Variants in CLIC5 observed in about 807,000 individuals in gnomAD.
CLIC5 encodes CLIC family member 5, also known as chloride intracellular channel protein 5.
Under a neutral mutation model 24.7 loss-of-function variants are expected in CLIC5, and 20 were observed. The ratio of observed to expected loss-of-function variants is 0.81; its 90% CI spans 0.57 to 1.18. CLIC5 has a LOEUF of 1.18. Ranked by LOEUF, CLIC5 falls within the 50% of genes most tolerant of loss-of-function variation. The pLI, the probability that CLIC5 is intolerant of heterozygous loss-of-function variation, is 0.00. For synonymous variants in CLIC5, 159 were observed against 135.6 expected (o/e 1.17, Z -1.20); for missense variants, 341 against 326.1 (o/e 1.05, Z -0.35).
At chr6:46,072,646 A>G (rs1181376312) in intron 1 of CLIC5, among the ~76,000 whole-genome samples, 2 of 152,304 alleles carry the variant, frequency 1.3e-5, no homozygotes, top group East Asian at 3.9e-4. Context: ...CAGAGTTAAC[A>G]TAACTCTCAC....
Position 46,013,275 on chromosome 6 carries a change from T to C in CLIC5, c.63+2205A>G, listed in dbSNP as rs139025431. Among the ~76,000 whole-genome samples, 921 of 152,350 alleles carry C rather than the reference T, an allele frequency of 6.0e-3. 9 individuals carry two copies. Among genetic ancestry groups the C allele is most frequent in the African/African-American group, 0.021 (873 of 41,576 alleles). On this transcript the variant is annotated intron_variant, in intron 1 of 5. Coordinates refer to ENST00000339561, the MANE Select transcript of CLIC5 (RefSeq NM_016929.5). ...ATCAACAAGAAGGCCTTTCTTTTTA[T>C]GGGGAATCATGTACCTCAGAGAAAC...
intron 4 of CLIC5, among the ~76,000 whole-genome samples, chr6:45,915,970 T>C (rs1763016093): frequency 6.6e-6 from 1 of 152,136 alleles, no homozygotes; most frequent in Non-Finnish European, 1.5e-5. Flanking sequence ...TGCTGTTCAT[T>C]CCAGTAGATA....
At chr6:46,024,266 C>T (rs1247095315) in intron 1 of CLIC5, among the ~76,000 whole-genome samples, 1 of 152,118 alleles carries the variant, frequency 6.6e-6, no homozygotes, top group Non-Finnish European at 1.5e-5. Context: ...ATTCACAGTA[C>T]CTTAGGTTGA....
chr6:46,032,726 G>A (rs1230455599), intron 1 of CLIC5, among the ~76,000 whole-genome samples: 1 of 152,038 alleles, frequency 6.6e-6, no homozygotes, highest in Non-Finnish European at 1.5e-5. Context: ...AATCCTCTTC[G>A]TGCCCTTATT....
At chr6:45,978,337 T>C (rs1408984043) in intron 1 of CLIC5, among the ~76,000 whole-genome samples, 3 of 152,206 alleles carry the variant, frequency 2.0e-5, no homozygotes, top group African/African-American at 7.2e-5. Context: ...TCTCTTTGAC[T>C]GGGGATGGCT....
At chr6:45,931,254 T>C (rs756729645) in intron 4 of CLIC5, among the ~76,000 whole-genome samples, 17 of 152,130 alleles carry the variant, frequency 1.1e-4, no homozygotes, top group Admixed American at 2.0e-4. Flanking sequence ...TGACCCTATA[T>C]AGAGAAAGTT....
At chr6:45,889,987 GA>G (rs927576372) in intron 6 of CLIC5, among the ~76,000 whole-genome samples, 1 of 152,144 alleles carries the variant, frequency 6.6e-6, no homozygotes, top group African/African-American at 2.4e-5. Flanking sequence ...TATTAATATG[GA>G]AAGCTCTCCA....
chr6:45,943,672 A>G (rs1764204159), intron 3 of CLIC5, among the ~76,000 whole-genome samples: 1 of 152,234 alleles, frequency 6.6e-6, no homozygotes, highest in African/African-American at 2.4e-5. Context: ...GTTTTGCTGT[A>G]TCTCATCAAT....
intron 1 of CLIC5, among the ~76,000 whole-genome samples, chr6:45,986,342 G>A (rs895434774): frequency 1.3e-5 from 2 of 152,176 alleles, no homozygotes; most frequent in East Asian, 3.9e-4. Context: ...ATGGTGAGGA[G>A]CACTAGGTTA....
downstream of CLIC5, among the ~76,000 whole-genome samples, chr6:45,895,347 C>T (rs774424135): frequency 7.2e-5 from 11 of 152,266 alleles, no homozygotes; most frequent in Admixed American, 2.0e-4. Context: ...ATTATTAACT[C>T]ATCAAAACCA....
At chr6:46,116,325 A>C in the CLIC5 span, among the ~76,000 whole-genome samples, 1 of 152,118 alleles carries the variant, frequency 6.6e-6, no homozygotes, top group Admixed American at 6.5e-5. Context: ...TGCATTGGTG[A>C]ATATGGGCTG....
At chr6:45,945,104 A>G (rs1320548770) in intron 3 of CLIC5, among the ~76,000 whole-genome samples, 1 of 152,134 alleles carries the variant, frequency 6.6e-6, no homozygotes, top group African/African-American at 2.4e-5. Flanking sequence ...AAGGTCACCA[A>G]TTGTCTGTAC....
chr6:46,060,405 A>G (rs1298603846), intron 1 of CLIC5, among the ~76,000 whole-genome samples: 2 of 152,196 alleles, frequency 1.3e-5, no homozygotes, highest in Non-Finnish European at 2.9e-5. Context: ...AAGTAAAAAC[A>G]ATCTCTGTGA....
chr6:46,102,418 G>C, the CLIC5 span: 1 of 152,168 alleles, frequency 6.6e-6, no homozygotes, highest in East Asian at 1.9e-4. Context: ...GCCAAATAAG[G>C]GAGGTCAGAA....
chr6:45,985,482 G>A (rs1243305913), intron 1 of CLIC5, among the ~76,000 whole-genome samples: 2 of 152,088 alleles, frequency 1.3e-5, no homozygotes, highest in African/African-American at 2.4e-5. Flanking sequence ...CAATAAGCTC[G>A]ATGCAGTGCA....
chr6:46,006,132 A>T (rs1217162358), intron 1 of CLIC5, among the ~76,000 whole-genome samples: 1 of 36,894 alleles, frequency 2.7e-5, no homozygotes, highest in Admixed American at 2.9e-4. Flanking sequence ...AAATACATAT[A>T]TATATATATA....
chr6:45,960,496 T>C (rs535398774), intron 1 of CLIC5, among the ~76,000 whole-genome samples: 1 of 152,274 alleles, frequency 6.6e-6, no homozygotes, highest in South Asian at 2.1e-4. Flanking sequence ...TTGCTGGCTG[T>C]GGTGTGGGCT....
chr6:45,972,691 C>T (rs1026131850), intron 1 of CLIC5, among the ~76,000 whole-genome samples: 13 of 152,190 alleles, frequency 8.5e-5, no homozygotes, highest in African/African-American at 2.9e-4. Context: ...TCAGTAAGAC[C>T]TCTAAGTGAT....
At position 46,015,558 on chromosome 6, in the gene CLIC5, G is replaced by C; in HGVS notation, c.-16C>G. The C allele has an allele frequency of 6.4e-7, 1 of 1,563,872 alleles. No homozygotes were observed. Among genetic ancestry groups the C allele is most frequent in the Non-Finnish European group, 8.6e-7 (1 of 1,156,214 alleles). On this transcript the variant is annotated 5_prime_UTR_variant, in exon 1 of 6. Transcript: ENST00000339561. ...AGTCTGTCATGCCGTTGGCGCCCGG[G>C]GCTACCGTCCCGGGCCGGGGAGGCG...
Sources: allele counts gnomAD v4.1 joint callset (sites outside exome capture counted in the v4.1 genomes callset), GRCh38; gene constraint gnomAD v4.1.1; transcripts MANE v1.5; gene names NCBI Gene and HGNC (gene_info 2026-07-23, HGNC 2026-07-21).